Variants in RARB observed in about 807,000 individuals in gnomAD.
RARB encodes HBV-activated protein.
Under a neutral mutation model 51.9 loss-of-function variants are expected in RARB, and 17 were observed. The observed-to-expected ratio is 0.33, with a 90% confidence interval of 0.22 to 0.49. RARB has a LOEUF of 0.49. Ranked by LOEUF, RARB falls within the 20% of genes least tolerant of loss-of-function variation. The pLI, the probability that RARB is intolerant of heterozygous loss-of-function variation, is 0.99. For synonymous variants in RARB, 215 were observed against 195.4 expected, an observed-to-expected ratio of 1.10 and a Z score of -0.84; for missense variants, 369 against 550.8, an observed-to-expected ratio of 0.67 and a Z score of 3.30.
intron 5 of RARB, among the ~76,000 whole-genome samples, chr3:25,274,281 A>G (rs1229677900): frequency 1.3e-5 from 2 of 152,318 alleles, no homozygotes; most frequent in African/African-American, 4.8e-5. Flanking sequence ...GTGTATTTAT[A>G]CTAACAACAC....
At chr3:24,892,644 G>A (rs1703407904) in intron 2 of RARB, among the ~76,000 whole-genome samples, 1 of 152,096 alleles carries the variant, frequency 6.6e-6, no homozygotes. Context: ...CAAGAACTCT[G>A]GAATTATGAT....
chr3:24,914,132 A>C (rs890798941), intron 2 of RARB, among the ~76,000 whole-genome samples: 1 of 152,210 alleles, frequency 6.6e-6, no homozygotes, highest in Non-Finnish European at 1.5e-5. Context: ...ATCTCAAATC[A>C]TGTACCATTC....
At chr3:24,850,010 G>T (rs1056817509) in intron 1 of RARB, among the ~76,000 whole-genome samples, 1 of 152,156 alleles carries the variant, frequency 6.6e-6, no homozygotes, top group African/African-American at 2.4e-5. Context: ...AGTTCTGAAG[G>T]CTGGGAAGTT....
chr3:25,211,119 T>G (rs1011569312), intron 5 of RARB, among the ~76,000 whole-genome samples: 22 of 152,216 alleles, frequency 1.4e-4, no homozygotes, highest in Admixed American at 5.2e-4. Flanking sequence ...ATATTAACTT[T>G]TATTCATCAG....
intron 2 of RARB, among the ~76,000 whole-genome samples, chr3:25,000,763 A>G (rs1432909264): frequency 6.6e-6 from 1 of 152,132 alleles, no homozygotes; most frequent in Non-Finnish European, 1.5e-5. Flanking sequence ...TACTTCAAAA[A>G]TCTGTCAGTA....
chr3:25,083,139 C>CT (rs34416675), intron 3 of RARB, among the ~76,000 whole-genome samples: 134,382 of 151,660 alleles, frequency 0.89, 59,859 homozygotes, highest in African/African-American at 0.97. Context: ...TATGATTTTT[C>CT]TTTTTTTCTG....
At chr3:25,478,075 A>G (rs1011162588) in intron 2 of RARB, among the ~76,000 whole-genome samples, 3 of 152,146 alleles carry the variant, frequency 2.0e-5, no homozygotes, top group East Asian at 1.9e-4. Context: ...TGTCAGACCT[A>G]TTACATGGGG....
At chr3:25,087,795 A>G (rs1699129093) in intron 3 of RARB, among the ~76,000 whole-genome samples, 1 of 151,924 alleles carries the variant, frequency 6.6e-6, no homozygotes, top group South Asian at 2.1e-4. Flanking sequence ...AAAAAGAAAC[A>G]CTAGAAAACT....
chr3:24,872,755 CTG>C (rs1266867651), intron 2 of RARB, among the ~76,000 whole-genome samples: 1 of 152,200 alleles, frequency 6.6e-6, no homozygotes, highest in African/African-American at 2.4e-5. Context: ...AACTCTAACA[CTG>C]GGGATCACAT....
At chr3:25,542,717 T>C (rs894976874) in intron 3 of RARB, among the ~76,000 whole-genome samples, 5 of 152,244 alleles carry the variant, frequency 3.3e-5, no homozygotes, top group African/African-American at 1.2e-4. Flanking sequence ...CAATAAGCAT[T>C]TCCATGTGGC....
intron 2 of RARB, among the ~76,000 whole-genome samples, chr3:24,908,070 T>A (rs1210745406): frequency 6.6e-6 from 1 of 152,078 alleles, no homozygotes; most frequent in Non-Finnish European, 1.5e-5. Flanking sequence ...CCTTTCCTGT[T>A]CCTAGGACTA....
chr3:25,386,930 G>A (rs1011928130), intron 5 of RARB, among the ~76,000 whole-genome samples: 14 of 152,178 alleles, frequency 9.2e-5, no homozygotes, highest in African/African-American at 2.4e-4. Flanking sequence ...TTCTGTGGGC[G>A]TAGGCAATTT....
intron 5 of RARB, among the ~76,000 whole-genome samples, chr3:25,228,292 A>G (rs1702103240): frequency 7.4e-6 from 1 of 134,528 alleles, no homozygotes; most frequent in Admixed American, 8.0e-5. Context: ...TTTGTTTGCC[A>G]TATCTTGTAT....
At chr3:25,583,692 G>T (rs1575541577) in intron 5 of RARB, among the ~76,000 whole-genome samples, 1 of 152,328 alleles carries the variant, frequency 6.6e-6, no homozygotes, top group East Asian at 1.9e-4. Flanking sequence ...TCCCATCCTA[G>T]CCTTTGCTCG....
At position 25,428,718 on chromosome 3, in the gene RARB, G is replaced by A. The variant is rs777364835; in HGVS notation, c.-14G>A. On this transcript the variant is annotated 5_prime_UTR_variant, in exon 1 of 8. It adds an upstream start codon to the 5' untranslated region. Coordinates refer to ENST00000330688, the MANE Select transcript of RARB (RefSeq NM_000965.5). ...GGATAAGCACTTTTGCAGACATTCA[G>A]TGCAAGGGAGATCATGTTTGACTGT... 2 of 1,611,400 alleles carry A rather than the reference G, an allele frequency of 1.2e-6. No individual in the cohort carries two copies. Among genetic ancestry groups the A allele is most frequent in the South Asian group, 2.2e-5 (2 of 90,926 alleles).
At chr3:24,898,685 C>T (rs1703530755) in intron 2 of RARB, among the ~76,000 whole-genome samples, 1 of 152,138 alleles carries the variant, frequency 6.6e-6, no homozygotes, top group African/African-American at 2.4e-5. Flanking sequence ...TTCTAATCAG[C>T]TCTATTTTCT....
chr3:25,470,453 C>A (rs1695629843), intron 2 of RARB, among the ~76,000 whole-genome samples: 1 of 152,102 alleles, frequency 6.6e-6, no homozygotes, highest in African/African-American at 2.4e-5. Flanking sequence ...CTGACACATT[C>A]ATGGAAGGCT....
At chr3:25,496,006 T>G (rs995770228) in intron 2 of RARB, among the ~76,000 whole-genome samples, 3 of 152,202 alleles carry the variant, frequency 2.0e-5, no homozygotes, top group Non-Finnish European at 1.5e-5. Flanking sequence ...CCAACTCAGA[T>G]CAGTGTGTCT....
At chr3:25,132,998 CATT>C (rs1370309456) in intron 4 of RARB, among the ~76,000 whole-genome samples, 1 of 151,872 alleles carries the variant, frequency 6.6e-6, no homozygotes, top group African/African-American at 2.4e-5. Flanking sequence ...TAAAGTACAC[CATT>C]ATTTTATACA....
Sources: allele counts gnomAD v4.1 joint callset (sites outside exome capture counted in the v4.1 genomes callset), GRCh38; gene constraint gnomAD v4.1.1; transcripts MANE v1.5; gene names NCBI Gene and HGNC (gene_info 2026-07-23, HGNC 2026-07-21).